The following AFMID variants were observed in gnomAD, a reference collection of about 807,000 sequenced individuals.
The protein encoded by AFMID is arylformamidase.
AFMID carries 39 observed loss-of-function variants against 47.5 expected under a neutral mutation model. The observed-to-expected ratio is 0.82, with a 90% CI of 0.64 to 1.07. The LOEUF (loss-of-function observed/expected upper bound fraction) is 1.07. AFMID is among the 50% of genes least tolerant of loss of function. The pLI is 0.00. For synonymous variants in AFMID, 130 were observed against 153.2 expected, an observed-to-expected ratio of 0.85 and a Z score of 1.12; for missense variants, 375 against 387.5, an observed-to-expected ratio of 0.97 and a Z score of 0.27.
At chr17:78,190,530 A>G (rs1008104376) in intron 1 of AFMID, among the ~76,000 whole-genome samples, 6 of 152,142 alleles carry the variant, frequency 3.9e-5, no homozygotes, top group African/African-American at 1.4e-4. Context: ...AGTAGCTGGG[A>G]TTACAGGTGC....
intron 9 of AFMID, 101 bp from the exon 10 acceptor site, chr17:78,205,845 C>T (rs917557702): frequency 1.4e-5 from 23 of 1,593,016 alleles, no homozygotes; most frequent in Non-Finnish European, 1.8e-5. Context: ...TTATTTAACA[C>T]GTACTGAGTG....
At chr17:78,199,687 C>CTT (rs1453866301) in intron 2 of AFMID, among the ~76,000 whole-genome samples, 1 of 149,936 alleles carries the variant, frequency 6.7e-6, no homozygotes, top group African/African-American at 2.5e-5. Context: ...TTTTTTTTCT[C>CTT]TAGGCCTGCT....
intron 5 of AFMID, 35 bp downstream of exon 5, chr17:78,204,776 G>A: frequency 1.2e-6 from 2 of 1,614,186 alleles, no homozygotes; most frequent in South Asian, 1.1e-5. Context: ...CCGAGGGCCG[G>A]TGGGCTTTAG....
chr17:78,206,402 C>A (rs56246951), intron 10 of AFMID, among the ~76,000 whole-genome samples: 14,129 of 147,078 alleles, frequency 0.096, 796 homozygotes, highest in South Asian at 0.24. Context: ...GAAAGACCAT[C>A]TTGTTTCTTT....
chr17:78,203,035 G>T, intron 4 of AFMID: 1 of 394,594 alleles, frequency 2.5e-6, no homozygotes, highest in Non-Finnish European at 4.5e-6. Flanking sequence ...GGTGTTCCTG[G>T]GTCTCAAATC....
chr17:78,207,215 C>T lies in AFMID; in HGVS notation c.*278C>T. On this transcript the variant is annotated 3_prime_UTR_variant, in exon 11 of 11. Transcript: ENST00000409257. ...GAGCTGCCTCTTAGACTCGTCTGGC[C>T]CATCTACCTGCTGACAGAGCATGAC... 2.0e-6 allele frequency: 1 copy of T among 493,282 alleles called. No homozygotes were observed. The highest frequency in any genetic ancestry group is 3.6e-6 in the Non-Finnish European group (1 of 281,016). The allele number at this position is 493,282 out of a possible 1,614,324, so 30.6% of individuals were successfully genotyped here.
At chr17:78,205,818 A>G in intron 9 of AFMID, 80 bp downstream of exon 9, 3 of 1,598,212 alleles carry the variant, frequency 1.9e-6, no homozygotes, top group Non-Finnish European at 2.6e-6. Flanking sequence ...ACCCAAGTGG[A>G]CAAGACCCTC....
At chr17:78,196,448 G>T (rs140215062) in intron 2 of AFMID, among the ~76,000 whole-genome samples, 21 of 147,130 alleles carry the variant, frequency 1.4e-4, no homozygotes, top group African/African-American at 3.2e-4. Flanking sequence ...GAGGCCAGAG[G>T]GGGGCAGATC....
intron 4 of AFMID, among the ~76,000 whole-genome samples, chr17:78,204,241 A>C (rs1421414942): frequency 6.6e-6 from 1 of 151,950 alleles, no homozygotes; most frequent in African/African-American, 2.4e-5. Context: ...ATTGAGTTAG[A>C]AACCAGCCTG....
intron 2 of AFMID, among the ~76,000 whole-genome samples, chr17:78,195,826 C>T (rs896203683): frequency 6.6e-6 from 1 of 151,912 alleles, no homozygotes; most frequent in Non-Finnish European, 1.5e-5. Context: ...CCATGCACAG[C>T]ATTATAAATT....
At chr17:78,197,207 G>A (rs2076136861) in intron 2 of AFMID, 1 of 1,550,780 alleles carries the variant, frequency 6.4e-7, no homozygotes. Flanking sequence ...CGATGAGCCT[G>A]TGAGGCACAT....
chr17:78,197,755 T>C (rs981273061), intron 2 of AFMID, among the ~76,000 whole-genome samples: 1 of 151,936 alleles, frequency 6.6e-6, no homozygotes, highest in African/African-American at 2.4e-5. Flanking sequence ...TCAGTGCAGA[T>C]GGGGAGGAGA....
At chr17:78,199,702 C>T (rs1079133) in intron 2 of AFMID, among the ~76,000 whole-genome samples, 5,274 of 152,230 alleles carry the variant, frequency 0.035, 242 homozygotes, top group East Asian at 0.23. Context: ...CCTGCTGTGG[C>T]CACCAAGGCT....
At chr17:78,199,221 G>A (rs8082252) in intron 2 of AFMID, among the ~76,000 whole-genome samples, 57,382 of 152,048 alleles carry the variant, frequency 0.38, 12,719 homozygotes, top group East Asian at 0.64. Flanking sequence ...AATCCATCCA[G>A]CTGAAGTGGA....
chr17:78,206,948 A>C lies in AFMID; in HGVS notation c.*11A>C, dbSNP rs531189334. The C allele has an allele frequency of 3.6e-5, 58 of 1,613,916 alleles. 1 individual carries two copies. The highest frequency in any genetic ancestry group is 3.1e-4 in the South Asian group (28 of 91,078). Reference sequence around the variant, plus strand: ...ACAATCTTCCAGTAGTTCTGACGATACTTGGAGCCTGGTCCACGTGCATCC... The same window carrying C: ...ACAATCTTCCAGTAGTTCTGACGATCCTTGGAGCCTGGTCCACGTGCATCC... On this transcript the variant is annotated 3_prime_UTR_variant, in exon 11 of 11. Transcript: ENST00000409257.
chr17:78,199,384 T>C (rs1267797997), intron 2 of AFMID, among the ~76,000 whole-genome samples: 2 of 124,784 alleles, frequency 1.6e-5, no homozygotes, highest in Non-Finnish European at 3.2e-5. Context: ...TTTTTTTCTT[T>C]TCTTTTTTTT....
chr17:78,206,514 A>C (rs528676422), intron 10 of AFMID, among the ~76,000 whole-genome samples: 2 of 151,372 alleles, frequency 1.3e-5, no homozygotes, highest in African/African-American at 4.8e-5. Flanking sequence ...TCAAGTGGTT[A>C]TCCTGCCCCA....
intron 1 of AFMID, 163 bp from the exon 2 acceptor site, chr17:78,190,807 C>CTCTAGACCA (rs1196206944): frequency 1.2e-5 from 7 of 596,074 alleles, no homozygotes; most frequent in Admixed American, 3.1e-5. Context: ...ACAGCGGTCG[C>CTCTAGACCA]TGGTATACCT....
intron 1 of AFMID, chr17:78,190,768 C>A: frequency 1.9e-6 from 1 of 539,222 alleles, no homozygotes; most frequent in Non-Finnish European, 3.3e-6. Flanking sequence ...GACCTCATCT[C>A]CCCTTAAGGC....
Sources: gnomAD v4.1 joint callset for allele counts (sites outside exome capture counted in the v4.1 genomes callset) on GRCh38, gnomAD v4.1.1 for gene constraint, MANE v1.5 for transcripts, NCBI Gene and HGNC (gene_info 2026-07-23, HGNC 2026-07-21) for gene names.